The following TTC7A variants were observed in gnomAD, a reference collection of about 807,000 sequenced individuals.
The protein encoded by TTC7A is tetratricopeptide repeat domain 7A, also known as tetratricopeptide repeat protein 7A.
Under a neutral mutation model 103.7 loss-of-function variants are expected in TTC7A, and 110 were observed. The observed-to-expected ratio is 1.06, with a 90% CI of 0.91 to 1.24. The LOEUF is 1.24. TTC7A is among the 50% of genes most tolerant of loss of function. TTC7A has a pLI of 0.00. For missense variants in TTC7A, 1,340 were observed against 1,116.3 expected (o/e 1.20, Z -2.86); for synonymous variants, 521 against 467.9 (o/e 1.11, Z -1.47).
intron 19 of TTC7A, among the ~76,000 whole-genome samples, chr2:47,069,500 C>T (rs1255057039): frequency 6.6e-6 from 1 of 152,120 alleles, no homozygotes; most frequent in Admixed American, 6.5e-5. Flanking sequence ...CCAGGGGGCT[C>T]TGGGGTGAAC....
chr2:47,005,239 G>A (rs367943231), intron 8 of TTC7A, among the ~76,000 whole-genome samples: 1 of 152,090 alleles, frequency 6.6e-6, no homozygotes, highest in Non-Finnish European at 1.5e-5. Context: ...AGGGAGGGGG[G>A]GGCTCTGGGA....
chr2:47,018,036 G>A (rs1678860611), intron 11 of TTC7A, among the ~76,000 whole-genome samples: 1 of 152,106 alleles, frequency 6.6e-6, no homozygotes, highest in South Asian at 2.1e-4. Context: ...CAGCACTTTG[G>A]GAGGCCAAAG....
At chr2:47,039,473 T>C (rs761915911) in intron 15 of TTC7A, among the ~76,000 whole-genome samples, 106 of 152,174 alleles carry the variant, frequency 7.0e-4, no homozygotes, top group South Asian at 1.2e-3. Context: ...GGTAAGGGGA[T>C]GGAGATGACC....
intron 2 of TTC7A, among the ~76,000 whole-genome samples, chr2:46,928,473 A>C (rs1365892775): frequency 2.0e-5 from 3 of 151,186 alleles, no homozygotes; most frequent in Admixed American, 6.6e-5. Flanking sequence ...AAAAAAAAAA[A>C]AAAAAAAAAA....
intron 10 of TTC7A, among the ~76,000 whole-genome samples, chr2:47,010,914 G>C (rs1347084068): frequency 1.3e-5 from 2 of 152,164 alleles, no homozygotes; most frequent in East Asian, 3.9e-4. Context: ...TGGCCAGGCT[G>C]GTCTCGAACT....
chr2:46,940,173 T>G (rs1245334616), upstream of TTC7A, among the ~76,000 whole-genome samples: 7 of 151,906 alleles, frequency 4.6e-5, no homozygotes, highest in African/African-American at 1.7e-4. The surrounding 1 kb of genome is among the most constrained non-coding windows in gnomAD (Gnocchi z 4.7). Flanking sequence ...AAACCTTCCC[T>G]CGGTTACAGT....
chr2:46,940,160 TA>T (rs1670210434), upstream of TTC7A, among the ~76,000 whole-genome samples: 2 of 151,900 alleles, frequency 1.3e-5, no homozygotes, highest in Non-Finnish European at 2.9e-5. This position sits in a 1 kb window ranked among gnomAD's most constrained non-coding sequence, Gnocchi z 4.7. Context: ...CTGCTTGACA[TA>T]AAAACCTTCC....
chr2:47,050,087 C>A, intron 17 of TTC7A, 41 bp downstream of exon 17: 10 of 1,496,666 alleles, frequency 6.7e-6, no homozygotes, highest in Non-Finnish European at 8.4e-6. Context: ...CATGGACCCA[C>A]AGCTCACACT....
chr2:46,969,929 G>C (rs1408772048), intron 3 of TTC7A, among the ~76,000 whole-genome samples: 2 of 152,202 alleles, frequency 1.3e-5, no homozygotes, highest in African/African-American at 4.8e-5. Context: ...CTGTTCAACT[G>C]GTTTAGACAC....
chr2:46,970,083 G>A (rs1045427087), intron 3 of TTC7A, among the ~76,000 whole-genome samples: 6 of 152,150 alleles, frequency 3.9e-5, no homozygotes, highest in African/African-American at 1.2e-4. Flanking sequence ...TCCACCTCCC[G>A]GGCTCAAGCA....
chr2:47,027,441 T>G (rs751436990), intron 14 of TTC7A, among the ~76,000 whole-genome samples: 2 of 152,262 alleles, frequency 1.3e-5, no homozygotes, highest in Non-Finnish European at 2.9e-5. Flanking sequence ...GCTCTGCTGC[T>G]AACTTGCTCT....
In TTC7A at chr2:46,950,376, A is replaced by G. The variant is rs534400116; in HGVS notation, c.198A>G (p.Lys66=). 9 of 1,613,882 alleles carry G rather than the reference A, an allele frequency of 5.6e-6. No individual in the cohort carries two copies. The highest frequency in any genetic ancestry group is 7.6e-6 in the Non-Finnish European group (9 of 1,179,996). The change falls in exon 2 of 20, where the codon AAA becomes AAG. Residue 66 remains lysine, a synonymous_variant. Transcript: ENST00000319190. ...FTFPDTDDFG[K]LLLAEALLEQ... The stretch of plus-strand genomic sequence containing the variant: ...TTTGCTTTTCAGATGACTTTGGGAA[A>G]TTGCTGCTGGCTGAGGCCCTCCTGG...
In TTC7A at chr2:46,944,374, G is replaced by GTTTTTTT. The variant is rs34191565; in HGVS notation, c.184+2666_184+2672dup. ...TTAAATAAGAACTCTGGTATTTTGG[G>GTTTTTTT]TTTTTTTTTTTTTTTTTTTTTTTGA... On this transcript the variant is annotated intron_variant, in intron 1 of 19. Coordinates refer to ENST00000319190, the MANE Select transcript of TTC7A (RefSeq NM_020458.4). 2.7e-3 allele frequency among the ~76,000 whole-genome samples: 239 copies of GTTTTTTT among 88,942 alleles called. 6 individuals are homozygous for GTTTTTTT. Among genetic ancestry groups the GTTTTTTT allele is most frequent in the African/African-American group, 6.7e-3 (149 of 22,194 alleles). The allele number at this position is 88,942 out of a possible 152,430, so 58.3% of individuals were successfully genotyped here.
intron 8 of TTC7A, among the ~76,000 whole-genome samples, chr2:47,000,775 A>G (rs561387362): frequency 9.2e-5 from 14 of 152,280 alleles, no homozygotes; most frequent in Middle Eastern, 3.4e-3. Context: ...TCCTTGGCCA[A>G]TGGAGAGCCT....
intron 19 of TTC7A, among the ~76,000 whole-genome samples, chr2:47,066,388 A>G (rs1427688081): frequency 6.6e-6 from 1 of 152,116 alleles, no homozygotes; most frequent in Non-Finnish European, 1.5e-5. Flanking sequence ...GTACCTCCCA[A>G]GGCGGGACCT....
intron 8 of TTC7A, among the ~76,000 whole-genome samples, chr2:47,001,103 G>A (rs114138804): frequency 3.5e-4 from 53 of 152,290 alleles, no homozygotes; most frequent in African/African-American, 1.3e-3. Flanking sequence ...CTGTAAAATA[G>A]GCTGAGAGTA....
chr2:46,941,720 A>C lies in TTC7A; in HGVS notation c.179A>C (p.Asp60Ala). Residue 60 changes from aspartate to alanine, a missense_variant, in exon 1 of 20, where the codon GAC becomes GCC. Asp to Ala is a moderately radical substitution (Grantham distance 126). Coordinates refer to ENST00000319190, the MANE Select transcript of TTC7A (RefSeq NM_020458.4). The surrounding 1 kb of genome is among the most constrained non-coding windows in gnomAD (Gnocchi z 4.2). ...CCGAGCGCAGCGTTCACCTTTCCGG[A>C]CACCGGTGAGTAAGGGAAGAGGCTG... ...GSPSAAFTFP[D>A]TDDFGKLLLA... The C allele has an allele frequency of 6.5e-7, 1 of 1,549,988 alleles. No homozygotes were observed. Among genetic ancestry groups the C allele is most frequent in the South Asian group, 1.2e-5 (1 of 84,036 alleles).
At position 46,956,925 on chromosome 2, in the gene TTC7A, A is replaced by G. The variant is rs1671909625; in HGVS notation, c.435A>G (p.Ala145=). ...GSYRDAISMY[A]RAGIDDMSME... is the part of the protein sequence containing the mutation. Reference sequence around the variant, plus strand: ...ACCGAGATGCCATCAGCATGTACGCACGGGCCGGGATTGATGACATGTCCA... The same window carrying G: ...ACCGAGATGCCATCAGCATGTACGCGCGGGCCGGGATTGATGACATGTCCA... Residue 145 remains alanine, a synonymous_variant, in exon 3 of 20, where the codon GCA becomes GCG. Coordinates refer to ENST00000319190, the MANE Select transcript of TTC7A (RefSeq NM_020458.4). The G allele has an allele frequency of 6.2e-7, 1 of 1,614,136 alleles. No homozygotes were observed. Among genetic ancestry groups the G allele is most frequent in the East Asian group, 2.2e-5 (1 of 44,880 alleles).
intron 11 of TTC7A, among the ~76,000 whole-genome samples, chr2:47,015,241 T>C (rs558213495): frequency 7.9e-5 from 12 of 152,362 alleles, no homozygotes; most frequent in African/African-American, 2.2e-4. Flanking sequence ...AAGAGAGATG[T>C]AAATATTTTT....
Sources: allele counts gnomAD v4.1 joint callset (sites outside exome capture counted in the v4.1 genomes callset), GRCh38; gene constraint gnomAD v4.1.1; non-coding constraint Gnocchi (gnomAD v3.1); transcripts MANE v1.5; gene names NCBI Gene and HGNC (gene_info 2026-07-23, HGNC 2026-07-21).